C14orf132: variants seen among roughly 807,000 people sequenced by gnomAD.
C14orf132 encodes the protein chromosome 14 open reading frame 132, also known as uncharacterized protein C14orf132.
C14orf132 carries 6 observed loss-of-function variants against 5.8 expected under a neutral mutation model. That is an observed-to-expected ratio of 1.03 (90% confidence interval 0.57 to 2.04). The LOEUF is 2.04. Ranked by LOEUF, C14orf132 falls within the 30% of genes most tolerant of loss-of-function variation. The pLI is 0.00. For synonymous variants in C14orf132, 51 were observed against 49.8 expected, an observed-to-expected ratio of 1.02 and a Z score of -0.10; for missense variants, 125 against 115.8, an observed-to-expected ratio of 1.08 and a Z score of -0.37.
chr14:96,042,260 G>C (rs1886712190), intron 1 of C14orf132, among the ~76,000 whole-genome samples: 1 of 152,236 alleles, frequency 6.6e-6, no homozygotes, highest in African/African-American at 2.4e-5. Context: ...GTGCAGGAGG[G>C]CTGGGAGACA....
At chr14:96,070,621 C>CACAA in intron 1 of C14orf132, among the ~76,000 whole-genome samples, 1 of 151,818 alleles carries the variant, frequency 6.6e-6, no homozygotes, top group Non-Finnish European at 1.5e-5. Context: ...CACACACACA[C>CACAA]ACACACACAC....
intron 1 of C14orf132, among the ~76,000 whole-genome samples, chr14:96,064,113 G>A (rs1438404313): frequency 6.6e-6 from 1 of 152,038 alleles, no homozygotes; most frequent in Non-Finnish European, 1.5e-5. Flanking sequence ...CTACACAGCT[G>A]GTGGGAATGT....
chr14:96,080,497 TTTGTG>T (rs1282001694), intron 1 of C14orf132, among the ~76,000 whole-genome samples: 2 of 152,184 alleles, frequency 1.3e-5, no homozygotes, highest in African/African-American at 4.8e-5. Context: ...CTTCTATTGT[TTTGTG>T]TTTACCCATC....
rs764837232 is a variant in C14orf132, at chr14:96,061,925, GATAA to G, written c.27+22412_27+22415del. On this transcript the variant is annotated intron_variant, in intron 1 of 1. Coordinates refer to ENST00000555004, the MANE Select transcript of C14orf132 (RefSeq NM_001252507.3). ...CCCTCTCTCTAAAAATAAATAAATA[GATAA>G]ATAAATAAATAAACAAACATCTCAA... Among the ~76,000 whole-genome samples, 7 of 152,088 alleles carry G rather than the reference GATAA, an allele frequency of 4.6e-5. No individual in the cohort carries two copies. In the East Asian group the frequency reaches 5.8e-4, roughly 13 times the overall value.
At chr14:96,041,622 C>T (rs981754521) in intron 1 of C14orf132, among the ~76,000 whole-genome samples, 1 of 152,246 alleles carries the variant, frequency 6.6e-6, no homozygotes, top group Non-Finnish European at 1.5e-5. Flanking sequence ...CAATACTTCG[C>T]AGTGCTTGGC....
chr14:96,050,433 C>T (rs1256790530), intron 1 of C14orf132, among the ~76,000 whole-genome samples: 1 of 152,180 alleles, frequency 6.6e-6, no homozygotes, highest in African/African-American at 2.4e-5. Context: ...GAAACAGGCA[C>T]TATTTCTGGC....
intron 1 of C14orf132, among the ~76,000 whole-genome samples, chr14:96,078,947 G>C (rs1887955471): frequency 6.6e-6 from 1 of 152,250 alleles, no homozygotes; most frequent in Admixed American, 6.5e-5. Flanking sequence ...CTCCCCGTCA[G>C]AGGACATTTA....
At chr14:96,068,173 C>A (rs1421218086) in intron 1 of C14orf132, among the ~76,000 whole-genome samples, 1 of 152,208 alleles carries the variant, frequency 6.6e-6, no homozygotes, top group Admixed American at 6.5e-5. Context: ...CCTGCGTGGG[C>A]GAACAGCACA....
intron 1 of C14orf132, among the ~76,000 whole-genome samples, chr14:96,071,595 A>G (rs1211313644): frequency 6.6e-6 from 1 of 152,180 alleles, no homozygotes; most frequent in Admixed American, 6.5e-5. Flanking sequence ...CCCCCTGGGG[A>G]TCCCCAGTCT....
rs771778523 is a variant in C14orf132, at chr14:96,064,393, C to CACACACACACAT, written c.28-22117_28-22116insCACACACACATA. Among the ~76,000 whole-genome samples, 1,069 of 146,236 alleles carry CACACACACACAT rather than the reference C, an allele frequency of 7.3e-3. 6 individuals are homozygous for CACACACACACAT. Among genetic ancestry groups the CACACACACACAT allele is most frequent in the African/African-American group, 0.027 (1,021 of 38,378 alleles). On this transcript the variant is annotated intron_variant, in intron 1 of 1. Coordinates refer to ENST00000555004, the MANE Select transcript of C14orf132 (RefSeq NM_001252507.3). ...ACACACACACACACACACACACACACATATACATATATGTATATATATACA... is the reference window on the plus strand; with the variant it reads ...ACACACACACACACACACACACACACACACACACACATATATACATATATGTATATATATACA...
chr14:96,081,154 C>G (rs1302778980), intron 1 of C14orf132, among the ~76,000 whole-genome samples: 1 of 152,202 alleles, frequency 6.6e-6, no homozygotes, highest in African/African-American at 2.4e-5. Context: ...GGTACTTTTA[C>G]TAACATTTGT....
At chr14:96,068,620 G>A (rs1887606677) in intron 1 of C14orf132, among the ~76,000 whole-genome samples, 2 of 152,168 alleles carry the variant, frequency 1.3e-5, no homozygotes, top group Admixed American at 1.3e-4. Flanking sequence ...CATGTAGGGA[G>A]CAGCAGCCGC....
At chr14:96,065,741 C>T (rs1361055497) in intron 1 of C14orf132, among the ~76,000 whole-genome samples, 2 of 152,066 alleles carry the variant, frequency 1.3e-5, no homozygotes, top group Non-Finnish European at 2.9e-5. Flanking sequence ...ATTCCCCACC[C>T]ATCCTCCTAA....
chr14:96,086,437 C>A (rs1227668070), intron 1 of C14orf132, 74 bp from the exon 2 acceptor site: 3 of 1,375,160 alleles, frequency 2.2e-6, no homozygotes, highest in Non-Finnish European at 3.0e-6. Context: ...TTTGACCAGA[C>A]CACTTCCCTT....
chr14:96,065,313 G>A (rs1335904652), intron 1 of C14orf132, among the ~76,000 whole-genome samples: 1 of 152,104 alleles, frequency 6.6e-6, no homozygotes, highest in East Asian at 1.9e-4. Context: ...ATTCCGATGT[G>A]CATCTCCAGT....
intron 1 of C14orf132, among the ~76,000 whole-genome samples, chr14:96,068,773 G>A (rs77965747): frequency 4.0e-4 from 61 of 152,238 alleles, no homozygotes; most frequent in Middle Eastern, 6.8e-3. Context: ...CCAGAGGACC[G>A]TGATGGTTCA....
chr14:96,053,202 C>G (rs2139650622), intron 1 of C14orf132, among the ~76,000 whole-genome samples: 1 of 152,336 alleles, frequency 6.6e-6, no homozygotes, highest in Middle Eastern at 3.4e-3. Flanking sequence ...ATGGTTGAAA[C>G]CATGTCCAGA....
At chr14:96,051,261 G>A in intron 1 of C14orf132, 1 of 398,648 alleles carries the variant, frequency 2.5e-6, no homozygotes, top group African/African-American at 2.1e-5. Context: ...CATTGAGGGA[G>A]CCAGTCTTTG....
intron 1 of C14orf132, among the ~76,000 whole-genome samples, chr14:96,055,118 A>G (rs1464110413): frequency 6.6e-6 from 1 of 152,236 alleles, no homozygotes; most frequent in Non-Finnish European, 1.5e-5. Context: ...CCCGGAGTCA[A>G]AGGGCATTAT....
Sources: gnomAD v4.1 joint callset for allele counts (sites outside exome capture counted in the v4.1 genomes callset) on GRCh38, gnomAD v4.1.1 for gene constraint, MANE v1.5 for transcripts, NCBI Gene and HGNC (gene_info 2026-07-23, HGNC 2026-07-21) for gene names.